The following RIMS2 variants were observed in gnomAD, a reference collection of about 807,000 sequenced individuals.
The protein encoded by RIMS2 is regulating synaptic membrane exocytosis 2, also known as regulating synaptic membrane exocytosis protein 2.
A neutral mutation model predicts 174.4 loss-of-function variants in RIMS2; 59 were observed. That is an observed-to-expected ratio of 0.34 (90% CI 0.27 to 0.42). RIMS2 has a LOEUF of 0.42. Ranked by LOEUF, RIMS2 falls within the 10% of genes least tolerant of loss-of-function variation. The pLI is 1.00. For missense variants in RIMS2, 1,620 were observed against 1,666.3 expected (o/e 0.97, Z 0.48); for synonymous variants, 606 against 572.5 (o/e 1.06, Z -0.84).
chr8:103,885,924 C>G (rs542071469), exon 4 of RIMS2: 1 of 1,612,976 alleles, frequency 6.2e-7, no homozygotes, highest in South Asian at 1.1e-5. Flanking sequence ...AGTCCACTAC[C>G]CATAGATAGA....
At chr8:103,513,056 C>T (rs577557424) in intron 1 of RIMS2, among the ~76,000 whole-genome samples, 2 of 152,122 alleles carry the variant, frequency 1.3e-5, no homozygotes, top group Admixed American at 1.3e-4. Flanking sequence ...GGGCTGCTGT[C>T]CAGGTCATGT....
chr8:103,622,975 C>T (rs1410530715), intron 1 of RIMS2, among the ~76,000 whole-genome samples: 1 of 152,134 alleles, frequency 6.6e-6, no homozygotes, highest in Non-Finnish European at 1.5e-5. Context: ...TATGAGAGCA[C>T]TTAAAATAAT....
At chr8:104,230,207 A>G (rs2099217383) in intron 19 of RIMS2, among the ~76,000 whole-genome samples, 1 of 149,686 alleles carries the variant, frequency 6.7e-6, no homozygotes, top group Admixed American at 6.7e-5. Context: ...TGAACCCAGG[A>G]GGTGGAGGTT....
At chr8:103,606,457 C>G (rs1271549252) in intron 1 of RIMS2, among the ~76,000 whole-genome samples, 2 of 151,980 alleles carry the variant, frequency 1.3e-5, no homozygotes, top group Non-Finnish European at 2.9e-5. Flanking sequence ...TGGTGTGGTG[C>G]TGAAAAAAAT....
At chr8:103,565,860 A>C (rs915829784) in intron 1 of RIMS2, among the ~76,000 whole-genome samples, 3 of 152,206 alleles carry the variant, frequency 2.0e-5, no homozygotes, top group African/African-American at 7.2e-5. Flanking sequence ...AAGCAAAAGT[A>C]GAAAGTATTT....
At chr8:103,851,785 G>A (rs978790325) in intron 3 of RIMS2, among the ~76,000 whole-genome samples, 5 of 151,610 alleles carry the variant, frequency 3.3e-5, no homozygotes, top group African/African-American at 1.2e-4. Flanking sequence ...AGCAAAATGG[G>A]ACTTTATTCA....
chr8:103,675,260 T>A (rs1195251301), intron 1 of RIMS2, among the ~76,000 whole-genome samples: 2 of 152,170 alleles, frequency 1.3e-5, no homozygotes, highest in Non-Finnish European at 1.5e-5. Flanking sequence ...TTCCTAGTAG[T>A]CCTGGGTCTC....
intron 19 of RIMS2, among the ~76,000 whole-genome samples, chr8:104,053,805 G>A (rs140600671): frequency 1.4e-4 from 21 of 152,204 alleles, no homozygotes; most frequent in African/African-American, 4.6e-4. Context: ...TTAGGAAATG[G>A]TGGCCTTACA....
intron 19 of RIMS2, among the ~76,000 whole-genome samples, chr8:104,107,760 C>A (rs898041404): frequency 6.6e-6 from 1 of 152,194 alleles, no homozygotes; most frequent in Non-Finnish European, 1.5e-5. Flanking sequence ...CCATCCTGGG[C>A]AACACAGCAA....
rs992414975 is a variant in RIMS2, at chr8:104,128,652, G to A, written c.3334+114037G>A. ...GCGGAGGTTGCGGTGAGCCAAGATC[G>A]CGCCATTGTACTCCAGCCTGGGCAA... On this transcript the variant is annotated intron_variant, in intron 19 of 23. Coordinates refer to ENST00000504942, the Ensembl canonical transcript of RIMS2. Among the ~76,000 whole-genome samples, 7 of 152,160 alleles carry A rather than the reference G, an allele frequency of 4.6e-5. No homozygotes were observed. In the East Asian group the frequency reaches 5.8e-4, roughly 13 times the overall value.
At chr8:103,876,612 C>T (rs190917165) in intron 3 of RIMS2, among the ~76,000 whole-genome samples, 2 of 150,946 alleles carry the variant, frequency 1.3e-5, no homozygotes, top group African/African-American at 2.4e-5. Context: ...CACCCTTTCC[C>T]CCTGAGTCCC....
intron 1 of RIMS2, among the ~76,000 whole-genome samples, chr8:103,518,135 T>G (rs1001025102): frequency 2.0e-5 from 3 of 152,132 alleles, no homozygotes; most frequent in African/African-American, 7.2e-5. Flanking sequence ...TAATTATGAA[T>G]GTGTCAGGAG....
chr8:103,909,998 A>G (rs939318108), intron 4 of RIMS2: 4 of 473,274 alleles, frequency 8.5e-6, no homozygotes, highest in South Asian at 6.9e-5. Flanking sequence ...CACTATATAT[A>G]TATATATATA....
intron 19 of RIMS2, among the ~76,000 whole-genome samples, chr8:104,062,789 C>G (rs761457959): frequency 6.6e-6 from 1 of 151,972 alleles, no homozygotes; most frequent in Non-Finnish European, 1.5e-5. Flanking sequence ...TTCTGTCATT[C>G]TCATTATTTT....
intron 17 of RIMS2, among the ~76,000 whole-genome samples, chr8:104,004,409 T>TA (rs2095498215): frequency 6.6e-6 from 1 of 152,056 alleles, no homozygotes; most frequent in African/African-American, 2.4e-5. Context: ...AAGAAGAAAG[T>TA]AATAACATTA....
At chr8:103,816,828 G>A (rs890529797) in intron 3 of RIMS2, among the ~76,000 whole-genome samples, 2 of 152,138 alleles carry the variant, frequency 1.3e-5, no homozygotes, top group African/African-American at 4.8e-5. Context: ...TCATTCTAGT[G>A]TTTCCATTAC....
At chr8:103,945,021 G>C (rs561884866) in intron 14 of RIMS2, among the ~76,000 whole-genome samples, 12 of 152,152 alleles carry the variant, frequency 7.9e-5, no homozygotes, top group African/African-American at 2.9e-4. Flanking sequence ...AAACTCCTTT[G>C]ATGACAAGAA....
chr8:103,787,998 C>T (rs1380803777), intron 3 of RIMS2, among the ~76,000 whole-genome samples: 1 of 151,698 alleles, frequency 6.6e-6, no homozygotes, highest in East Asian at 1.9e-4. Context: ...CTAAACTTCC[C>T]TTCTCACTTC....
Position 104,215,177 on chromosome 8 carries a change from C to T in RIMS2, c.3335-29739C>T, listed in dbSNP as rs190480922. On this transcript the variant is annotated intron_variant, in intron 19 of 23. Coordinates refer to ENST00000504942, the Ensembl canonical transcript of RIMS2. ...GCCAAATTTTCTATTTTTATGTCAG[C>T]ATATCAAGCAGTATAAGCAACTTAT... Among the ~76,000 whole-genome samples, 45 of 152,182 alleles carry T rather than the reference C, an allele frequency of 3.0e-4. No individual in the cohort carries two copies. In the East Asian group the frequency reaches 7.1e-3, roughly 24 times the overall value.
Sources: allele counts gnomAD v4.1 joint callset (sites outside exome capture counted in the v4.1 genomes callset), GRCh38; gene constraint gnomAD v4.1.1; transcripts MANE v1.5; gene names NCBI Gene and HGNC (gene_info 2026-07-23, HGNC 2026-07-21).